ODAPH: variants seen among roughly 807,000 people sequenced by gnomAD.
ODAPH encodes the protein odontogenesis associated phosphoprotein, also known as amelogenesis imperfecta type IIA4.
A neutral mutation model predicts 2.8 loss-of-function variants in ODAPH; 2 were observed. The ratio of observed to expected loss-of-function variants is 0.72; its 90% CI spans 0.30 to 2.28. ODAPH has a LOEUF of 2.28. ODAPH is among the 30% of genes most tolerant of loss of function. The probability of loss-of-function intolerance (pLI) is 0.13; values close to 1 mark genes in which losing one functional copy is unlikely to be tolerated. For missense variants in ODAPH, 159 were observed against 163.3 expected (o/e 0.97, Z 0.14); for synonymous variants, 75 against 60.3 (o/e 1.24, Z -1.13).
In ODAPH at chr4:75,564,475, A is replaced by G; in HGVS notation, c.*36A>G. On this transcript the variant is annotated 3_prime_UTR_variant, in exon 2 of 2. Transcript: ENST00000311623. ...AAACCCAAACATACTGAAGCAAAAA[A>G]AAGCCTATCCTTCAGAAAAAAGCAA... is the stretch of plus-strand genomic sequence containing the variant. The G allele has an allele frequency of 6.2e-7, 1 of 1,613,880 alleles. No homozygotes were observed. Among genetic ancestry groups the G allele is most frequent in the Non-Finnish European group, 8.5e-7 (1 of 1,180,032 alleles).
chr4:75,556,248 A>T, intron 1 of ODAPH, 99 bp downstream of exon 1: 1 of 1,199,126 alleles, frequency 8.3e-7, no homozygotes, highest in East Asian at 2.3e-5. Flanking sequence ...ATAAATTGGA[A>T]ATATTTACCT....
chr4:75,564,307 C>T lies in ODAPH; in HGVS notation c.261C>T (p.Asn87=). 2 of 1,614,184 alleles carry T rather than the reference C, an allele frequency of 1.2e-6. No homozygotes were observed. Among genetic ancestry groups the T allele is most frequent in the South Asian group, 1.1e-5 (1 of 91,090 alleles). The change falls in exon 2 of 2, where the codon AAC becomes AAT. Residue 87 remains asparagine (N), a synonymous_variant. Transcript: ENST00000311623. ...RRPRIHFRFP[N]RPFVPSRCNH... ...CCAGAATCCATTTTAGGTTTCCAAA[C>T]AGACCTTTCGTCCCTTCAAGGTGTA...
intron 1 of ODAPH, among the ~76,000 whole-genome samples, chr4:75,558,684 TTTTG>T (rs1304868926): frequency 3.3e-5 from 5 of 152,042 alleles, no homozygotes; most frequent in East Asian, 1.9e-4. Flanking sequence ...ACTCTAATTT[TTTTG>T]TTTGTTTGTT....
At chr4:75,559,467 C>T (rs1327389359) in intron 1 of ODAPH, among the ~76,000 whole-genome samples, 1 of 152,172 alleles carries the variant, frequency 6.6e-6, no homozygotes, top group Non-Finnish European at 1.5e-5. Flanking sequence ...GAAAATGAGA[C>T]TCAAAGAGGT....
At chr4:75,561,223 C>CAA (rs35040152) in intron 1 of ODAPH, among the ~76,000 whole-genome samples, 809 of 62,554 alleles carry the variant, frequency 0.013, 40 homozygotes, top group Middle Eastern at 0.022. Context: ...AACTCAATCT[C>CAA]AAAAAAAAAA....
At chr4:75,561,234 A>AAAC (rs1013589047) in intron 1 of ODAPH, among the ~76,000 whole-genome samples, 8 of 151,200 alleles carry the variant, frequency 5.3e-5, no homozygotes, top group Non-Finnish European at 1.0e-4. Context: ...AAAAAAAAAA[A>AAAC]AAAAAAAAAA....
At chr4:75,562,269 C>T (rs933286242) in intron 1 of ODAPH, among the ~76,000 whole-genome samples, 4 of 152,038 alleles carry the variant, frequency 2.6e-5, no homozygotes, top group Non-Finnish European at 4.4e-5. Flanking sequence ...CTGAATTCAA[C>T]TGTCCCAAAT....
chr4:75,556,794 G>C (rs1189079518), intron 1 of ODAPH, among the ~76,000 whole-genome samples: 1 of 152,272 alleles, frequency 6.6e-6, no homozygotes, highest in South Asian at 2.1e-4. Flanking sequence ...GAAAGAAAAG[G>C]CTGGGGAAGG....
In ODAPH at chr4:75,561,150, G is replaced by C. The variant is rs372684189; in HGVS notation, c.68-2964G>C. On this transcript the variant is annotated intron_variant, in intron 1 of 1. Transcript: ENST00000311623. ...GAGGCAGGAGAATGGCGTGAACCCGGGAGGCGGAGCTTGCAGTGAGCCGAG... is the reference window on the plus strand; with the variant it reads ...GAGGCAGGAGAATGGCGTGAACCCGCGAGGCGGAGCTTGCAGTGAGCCGAG... Among the ~76,000 whole-genome samples, 9 of 151,452 alleles carry C rather than the reference G, an allele frequency of 5.9e-5. No homozygotes were observed. In the East Asian group the frequency reaches 1.8e-3, roughly 30 times the overall value.
At chr4:75,563,277 C>T (rs1399239121) in intron 1 of ODAPH, 3 of 153,934 alleles carry the variant, frequency 1.9e-5, no homozygotes, top group South Asian at 2.0e-4. Flanking sequence ...CTGCCAGCCT[C>T]GGCCTCCCAA....
At chr4:75,556,231 C>T (rs1727334176) in intron 1 of ODAPH, 82 bp downstream of exon 1, 6 of 1,304,514 alleles carry the variant, frequency 4.6e-6, no homozygotes, top group Non-Finnish European at 6.6e-6. Context: ...CATGATTATA[C>T]GTTCCCATAA....
intron 1 of ODAPH, among the ~76,000 whole-genome samples, chr4:75,560,583 TGTTTGGAAGAATGTG>T (rs1284148852): frequency 1.3e-5 from 2 of 152,188 alleles, no homozygotes; most frequent in African/African-American, 4.8e-5. Context: ...AGGTCTAGTT[TGTTTGGAAGAATGTG>T]GTTTTATGGG....
chr4:75,562,011 C>T (rs1472840180), intron 1 of ODAPH, among the ~76,000 whole-genome samples: 1 of 152,178 alleles, frequency 6.6e-6, no homozygotes, highest in East Asian at 1.9e-4. Context: ...AAACCTGACA[C>T]TCCAGCCCCT....
In ODAPH at chr4:75,556,156, G is replaced by GT; in HGVS notation, c.67+11dup. ...GTGGTAACTGTGGCAGAAGGTAAGG[G>GT]TTTTGCTTTTATTCTACTGTGGGTC... is the stretch of plus-strand genomic sequence containing the variant. On this transcript the variant is annotated splice_region_variant and intron_variant, in intron 1 of 1. Coordinates refer to ENST00000311623, the MANE Select transcript of ODAPH (RefSeq NM_178497.5). The GT allele has an allele frequency of 1.2e-6, 2 of 1,613,994 alleles. No homozygotes were observed. Among genetic ancestry groups the GT allele is most frequent in the Non-Finnish European group, 1.7e-6 (2 of 1,179,884 alleles).
Position 75,564,693 on chromosome 4 carries a change from T to A in ODAPH, c.*254T>A. ...CAACCTCTTATGGTCACAGGATATT[T>A]ATGCAAATAAAATCTTTAAATGGGT... On this transcript the variant is annotated 3_prime_UTR_variant, in exon 2 of 2. Coordinates refer to ENST00000311623, the MANE Select transcript of ODAPH (RefSeq NM_178497.5). 1.4e-6 allele frequency: 1 copy of A among 703,288 alleles called. No homozygotes were observed. The highest frequency in any genetic ancestry group is 2.3e-6 in the Non-Finnish European group (1 of 434,306). The allele number at this position is 703,288 out of a possible 1,614,324, so 43.6% of individuals were successfully genotyped here. A position where few individuals can be genotyped will look rare whatever the true frequency, so the allele number is the denominator to read the frequency against.
chr4:75,559,659 A>AG (rs1383151218), intron 1 of ODAPH, among the ~76,000 whole-genome samples: 1 of 152,244 alleles, frequency 6.6e-6, no homozygotes, highest in Non-Finnish European at 1.5e-5. Context: ...TTTGACATCC[A>AG]GTGCCTTTGA....
chr4:75,558,413 A>C (rs1255711443), intron 1 of ODAPH, among the ~76,000 whole-genome samples: 1 of 152,146 alleles, frequency 6.6e-6, no homozygotes, highest in Non-Finnish European at 1.5e-5. Flanking sequence ...AGAACTGCAC[A>C]CTTAAACTTT....
In ODAPH at chr4:75,564,167, AC is replaced by A; in HGVS notation, c.123del (p.Asp42ThrfsTer121). ...PGDSQNNADATDCQIFTLTPP... is the reference protein window; with the variant it reads ...PGDSQNNADAXDCQIFTLTPP... ...AGATTCACAAAATAATGCGGACGCT[AC>A]CGACTGCCAGATCTTTACACTCACC... On this transcript the variant is annotated frameshift_variant, in exon 2 of 2. Transcript: ENST00000311623. LOFTEE classifies it low-confidence loss of function (END_TRUNC). 6.2e-7 allele frequency: 1 copy of A among 1,614,190 alleles called. No individual in the cohort carries two copies. Among genetic ancestry groups the A allele is most frequent in the Non-Finnish European group, 8.5e-7 (1 of 1,180,024 alleles).
chr4:75,557,360 C>T (rs1489302079), intron 1 of ODAPH, among the ~76,000 whole-genome samples: 4 of 152,226 alleles, frequency 2.6e-5, no homozygotes, highest in African/African-American at 9.6e-5. Flanking sequence ...CCCACTGAGG[C>T]TGGGTACAGT....
Sources: allele counts gnomAD v4.1 joint callset (sites outside exome capture counted in the v4.1 genomes callset), GRCh38; gene constraint gnomAD v4.1.1; transcripts MANE v1.5; gene names NCBI Gene and HGNC (gene_info 2026-07-23, HGNC 2026-07-21).